Variants in WDFY2 observed in about 807,000 individuals in gnomAD.
WDFY2 encodes the protein WD repeat and FYVE domain-containing protein 2.
A neutral mutation model predicts 56.4 loss-of-function variants in WDFY2; 36 were observed. The observed-to-expected ratio is 0.64, with a 90% CI of 0.49 to 0.84. The LOEUF (loss-of-function observed/expected upper bound fraction) is 0.84. Among genes scored for constraint, WDFY2 ranks in the 40% least tolerant of loss-of-function variants. The pLI is 0.00. For missense variants in WDFY2, 444 were observed against 512.2 expected (o/e 0.87, Z 1.29); for synonymous variants, 176 against 183.7 (o/e 0.96, Z 0.34).
chr13:51,584,500 T>C lies in WDFY2; in HGVS notation c.-188T>C, dbSNP rs1953894277. ...CTTGCATCCCAGGTCGTGGCGGTTT[T>C]GGTGCCTGAAGCAGGGAGCGCGGAG... On this transcript the variant is annotated 5_prime_UTR_variant, in exon 1 of 12. Transcript: ENST00000298125. The C allele has an allele frequency of 1.4e-6, 1 of 740,424 alleles. No individual in the cohort carries two copies. Among genetic ancestry groups the C allele is most frequent in the East Asian group, 3.0e-5 (1 of 33,680 alleles). 45.9% of individuals were successfully genotyped at this position (740,424 alleles called of 1,614,324 possible). A position where few individuals can be genotyped will look rare whatever the true frequency, so the allele number is the denominator to read the frequency against.
At chr13:51,641,054 A>G (rs1255821912) in intron 1 of WDFY2, among the ~76,000 whole-genome samples, 2 of 152,114 alleles carry the variant, frequency 1.3e-5, no homozygotes, top group Non-Finnish European at 2.9e-5. Flanking sequence ...AGTTGGGTCC[A>G]TCTTATTCAT....
chr13:51,758,457 G>A (rs918398735), intron 11 of WDFY2, among the ~76,000 whole-genome samples, 157 bp downstream of exon 11: 1 of 151,692 alleles, frequency 6.6e-6, no homozygotes, highest in Non-Finnish European at 1.5e-5. Flanking sequence ...AGATTTAGGA[G>A]GGAGGATTGC....
chr13:51,740,259 G>A (rs1326379652), intron 7 of WDFY2, among the ~76,000 whole-genome samples: 1 of 152,210 alleles, frequency 6.6e-6, no homozygotes. Context: ...TCTCATGTTG[G>A]AGAACAGAAC....
At chr13:51,723,126 A>T (rs947957891) in intron 5 of WDFY2, among the ~76,000 whole-genome samples, 1 of 152,210 alleles carries the variant, frequency 6.6e-6, no homozygotes, top group African/African-American at 2.4e-5. Flanking sequence ...CCAGTCATTC[A>T]CATCCACTGT....
At chr13:51,664,964 A>T (rs1231918639) in intron 2 of WDFY2, among the ~76,000 whole-genome samples, 1 of 152,252 alleles carries the variant, frequency 6.6e-6, no homozygotes, top group African/African-American at 2.4e-5. Context: ...AGGATGTAGT[A>T]GTTAAATATG....
rs562525695 is a variant in WDFY2, at chr13:51,598,211, T to C, written c.137+13387T>C. On this transcript the variant is annotated intron_variant, in intron 1 of 11. Coordinates refer to ENST00000298125, the MANE Select transcript of WDFY2 (RefSeq NM_052950.4). Reference sequence around the variant, plus strand: ...CCTGTCTCTACTAAAAATACAAAAATTAGCTGGGTGTAGTGGCGGGCACCT... The same window carrying C: ...CCTGTCTCTACTAAAAATACAAAAACTAGCTGGGTGTAGTGGCGGGCACCT... Among the ~76,000 whole-genome samples, 509 of 151,994 alleles carry C rather than the reference T, an allele frequency of 3.3e-3. 4 individuals are homozygous for C. Among genetic ancestry groups the C allele is most frequent in the African/African-American group, 0.012 (489 of 41,446 alleles).
Position 51,584,612 on chromosome 13 carries a change from C to A in WDFY2, c.-76C>A. On this transcript the variant is annotated 5_prime_UTR_variant, in exon 1 of 12. Coordinates refer to ENST00000298125, the MANE Select transcript of WDFY2 (RefSeq NM_052950.4). ...CCAGAGTCTCTGTCTCAACCTGTGT[C>A]CGTGCTCCAGCAGTCTCCTCAGCCC... 1 of 1,519,166 alleles carries A rather than the reference C, an allele frequency of 6.6e-7. No homozygotes were observed. Among genetic ancestry groups the A allele is most frequent in the African/African-American group, 1.4e-5 (1 of 73,056 alleles). The allele number at this position is 1,519,166 out of a possible 1,614,324, so 94.1% of individuals were successfully genotyped here. A position where few individuals can be genotyped will look rare whatever the true frequency, so the allele number is the denominator to read the frequency against.
intron 4 of WDFY2, among the ~76,000 whole-genome samples, chr13:51,716,458 C>T (rs183181148): frequency 1.3e-5 from 2 of 151,720 alleles, no homozygotes; most frequent in Non-Finnish European, 2.9e-5. Context: ...TTTGGGAGGC[C>T]GAGGCGGGCG....
At chr13:51,745,973 CTTTTTT>C (rs59572351) in intron 7 of WDFY2, among the ~76,000 whole-genome samples, 7 of 100,740 alleles carry the variant, frequency 6.9e-5, no homozygotes, top group East Asian at 3.0e-4. Flanking sequence ...TTTTCTTTTT[CTTTTTT>C]TTTTTTTTTT....
At chr13:51,588,534 T>C (rs1274408474) in intron 1 of WDFY2, 1 of 152,218 alleles carries the variant, frequency 6.6e-6, no homozygotes, top group African/African-American at 2.4e-5. Flanking sequence ...CATTGTCCTC[T>C]GGGGTTGCCA....
chr13:51,667,777 G>A (rs1201633420), intron 2 of WDFY2, among the ~76,000 whole-genome samples: 1 of 149,576 alleles, frequency 6.7e-6, no homozygotes, highest in Non-Finnish European at 1.5e-5. Context: ...ATGGAACCAT[G>A]TGTGATTTGT....
intron 6 of WDFY2, among the ~76,000 whole-genome samples, chr13:51,738,791 A>G (rs1043308224): frequency 1.3e-5 from 2 of 151,972 alleles, no homozygotes; most frequent in African/African-American, 2.4e-5. Flanking sequence ...AGGTCAATTT[A>G]TTGTCTTTTT....
chr13:51,680,293 G>T (rs1955956210), intron 3 of WDFY2, among the ~76,000 whole-genome samples: 1 of 151,966 alleles, frequency 6.6e-6, no homozygotes, highest in Non-Finnish European at 1.5e-5. Flanking sequence ...TCGTAGATGG[G>T]GTCTCACTAT....
chr13:51,628,004 G>A (rs1308126138), intron 1 of WDFY2, among the ~76,000 whole-genome samples: 3 of 152,190 alleles, frequency 2.0e-5, no homozygotes, highest in Non-Finnish European at 4.4e-5. Context: ...CTCAGAAAAA[G>A]CACCATAAGT....
rs546459699 is a variant in WDFY2 at position 51,712,355 on chromosome 13, A to G, written c.335-6843A>G. Among the ~76,000 whole-genome samples, 6 of 152,282 alleles carry G rather than the reference A, an allele frequency of 3.9e-5. No homozygotes were observed. In the East Asian group the frequency reaches 9.6e-4, roughly 24 times the overall value. ...GAGAAATAATGTAAATGACGAGTTA[A>G]TGGGTGCAGCACACCAACATGGCAC... On this transcript the variant is annotated intron_variant, in intron 4 of 11. Transcript: ENST00000298125.
chr13:51,598,228 C>T (rs1433649315), intron 1 of WDFY2, among the ~76,000 whole-genome samples: 1 of 151,904 alleles, frequency 6.6e-6, no homozygotes, highest in Non-Finnish European at 1.5e-5. Flanking sequence ...GGTGTAGTGG[C>T]GGGCACCTGT....
chr13:51,713,282 A>C (rs1009397113), intron 4 of WDFY2, among the ~76,000 whole-genome samples: 2 of 152,246 alleles, frequency 1.3e-5, no homozygotes, highest in African/African-American at 4.8e-5. Context: ...ATCATGATCA[A>C]GTGAAGTTTA....
chr13:51,758,281 G>T lies in WDFY2; in HGVS notation c.1154G>T (p.Gly385Val). 6.3e-7 allele frequency: 1 copy of T among 1,593,470 alleles called. No homozygotes were observed. The highest frequency in any genetic ancestry group is 8.6e-7 in the Non-Finnish European group (1 of 1,164,280). Reference sequence around the variant, plus strand: ...ACCAGAGGATGGTTACTGACTTCTGGAACTGACAAGGTTATTAAGGTAAGA... The same window carrying T: ...ACCAGAGGATGGTTACTGACTTCTGTAACTGACAAGGTTATTAAGGTAAGA... ...DATRGWLLTSGTDKVIKLWDM... is the reference protein window; with the variant it reads ...DATRGWLLTSVTDKVIKLWDM... Residue 385 changes from glycine to valine, a missense_variant, in exon 11 of 12, where the codon GGA (glycine) becomes GTA (valine). Gly to Val is a moderately radical substitution (Grantham distance 109). Transcript: ENST00000298125.
intron 3 of WDFY2, among the ~76,000 whole-genome samples, chr13:51,699,812 G>T (rs1260732427): frequency 6.6e-6 from 1 of 152,198 alleles, no homozygotes; most frequent in Non-Finnish European, 1.5e-5. Context: ...CATAATATTT[G>T]AGCCAGCATA....
Sources: gnomAD v4.1 joint callset for allele counts (sites outside exome capture counted in the v4.1 genomes callset) on GRCh38, gnomAD v4.1.1 for gene constraint, MANE v1.5 for transcripts, NCBI Gene and HGNC (gene_info 2026-07-23, HGNC 2026-07-21) for gene names.